NKD1: variants seen among roughly 807,000 people sequenced by gnomAD.
NKD1 encodes protein naked cuticle homolog 1.
A neutral mutation model predicts 56.0 loss-of-function variants in NKD1; 21 were observed. The observed-to-expected ratio is 0.38, with a 90% CI of 0.27 to 0.54. The LOEUF (loss-of-function observed/expected upper bound fraction) is 0.54. NKD1 is among the 20% of genes least tolerant of loss of function. NKD1 has a pLI of 0.82. For missense variants in NKD1, 578 were observed against 642.7 expected, an observed-to-expected ratio of 0.90 and a Z score of 1.09; for synonymous variants, 263 against 265.7, an observed-to-expected ratio of 0.99 and a Z score of 0.10.
intron 3 of NKD1, among the ~76,000 whole-genome samples, chr16:50,559,036 G>T (rs1280782833): frequency 6.6e-6 from 1 of 152,240 alleles, no homozygotes; most frequent in Non-Finnish European, 1.5e-5. Flanking sequence ...CAGACTTCCT[G>T]GGTCTGAGTC....
intron 2 of NKD1, 110 bp from the exon 3 acceptor site, chr16:50,549,312 C>T (rs1960319846): frequency 7.9e-6 from 11 of 1,396,408 alleles, no homozygotes; most frequent in Non-Finnish European, 1.1e-5. Flanking sequence ...CCCCTCCTGG[C>T]CCCCGTGCCG....
intron 3 of NKD1, among the ~76,000 whole-genome samples, chr16:50,596,704 C>T (rs559354111): frequency 3.9e-5 from 6 of 152,330 alleles, no homozygotes; most frequent in African/African-American, 7.2e-5. Flanking sequence ...CGCCGTCAGG[C>T]GTTGATACAT....
chr16:50,549,357 C>T, intron 2 of NKD1, 65 bp from the exon 3 acceptor site: 3 of 1,573,752 alleles, frequency 1.9e-6, no homozygotes, highest in South Asian at 2.3e-5. Context: ...TCCTTCTTCC[C>T]TCCGCGGGGG....
chr16:50,592,647 G>A (rs912411946), intron 3 of NKD1, among the ~76,000 whole-genome samples: 1 of 152,232 alleles, frequency 6.6e-6, no homozygotes, highest in Admixed American at 6.5e-5. Context: ...AAGGCTGCAA[G>A]GAGGATGCAG....
At chr16:50,565,103 T>A (rs574883873) in intron 3 of NKD1, among the ~76,000 whole-genome samples, 1 of 152,126 alleles carries the variant, frequency 6.6e-6, no homozygotes, top group Non-Finnish European at 1.5e-5. Flanking sequence ...AGGCTGGGTG[T>A]GGTGGCTCAT....
At position 50,632,188 on chromosome 16, in the gene NKD1, C is replaced by T; in HGVS notation, c.696-93C>T. On this transcript the variant is annotated intron_variant, in intron 8 of 9. Transcript: ENST00000268459. The surrounding 1 kb of genome is among the most constrained non-coding windows in gnomAD (Gnocchi z 4.1). ...GCCAAGAAGGAAATGAATGAAGGGT[C>T]CAGAGTTCATTCTGGGGGCTTCCTA... is the stretch of plus-strand genomic sequence containing the variant. 2 of 1,239,254 alleles carry T rather than the reference C, an allele frequency of 1.6e-6. No homozygotes were observed. Among genetic ancestry groups the T allele is most frequent in the Admixed American group, 1.9e-5 (1 of 53,948 alleles). The allele number at this position is 1,239,254 out of a possible 1,614,324, so 76.8% of individuals were successfully genotyped here.
chr16:50,548,831 C>T, intron 2 of NKD1, 82 bp downstream of exon 2: 5 of 1,309,024 alleles, frequency 3.8e-6, no homozygotes, highest in Non-Finnish European at 4.9e-6. Context: ...CCCGCCAGGT[C>T]TTATGACCAG....
chr16:50,591,321 G>A (rs1460609553), intron 3 of NKD1, among the ~76,000 whole-genome samples: 2 of 152,236 alleles, frequency 1.3e-5, no homozygotes, highest in Non-Finnish European at 2.9e-5. Context: ...CGCTGGGAGG[G>A]TTGGGTGCTG....
intron 4 of NKD1, among the ~76,000 whole-genome samples, chr16:50,618,634 G>A (rs1461953682): frequency 6.6e-6 from 1 of 152,210 alleles, no homozygotes; most frequent in African/African-American, 2.4e-5. Flanking sequence ...GAGGGTGAAC[G>A]ACCTTCTTTG....
At chr16:50,615,639 C>T (rs755125567) in intron 4 of NKD1, among the ~76,000 whole-genome samples, 42 of 152,094 alleles carry the variant, frequency 2.8e-4, no homozygotes, top group South Asian at 4.2e-4. Flanking sequence ...GCAGCCGGGT[C>T]GTGGAAGCCT....
At chr16:50,611,228 A>G (rs938961227) in intron 4 of NKD1, among the ~76,000 whole-genome samples, 1 of 149,658 alleles carries the variant, frequency 6.7e-6, no homozygotes, top group Admixed American at 6.6e-5. Context: ...CCTGCCTCTC[A>G]CCTGGTGAAC....
intron 3 of NKD1, among the ~76,000 whole-genome samples, chr16:50,577,214 G>T (rs1961011433): frequency 6.6e-6 from 1 of 152,106 alleles, no homozygotes; most frequent in South Asian, 2.1e-4. Context: ...GATGGAGATA[G>T]TAGGAATACC....
chr16:50,614,216 GAC>G (rs1296253321), intron 4 of NKD1, among the ~76,000 whole-genome samples: 1 of 152,166 alleles, frequency 6.6e-6, no homozygotes, highest in African/African-American at 2.4e-5. Flanking sequence ...ATCTCAGAGA[GAC>G]GGATTTGTTA....
At chr16:50,565,452 G>T (rs971968673) in intron 3 of NKD1, among the ~76,000 whole-genome samples, 3 of 152,196 alleles carry the variant, frequency 2.0e-5, no homozygotes, top group Admixed American at 2.0e-4. Context: ...GCCAGAGTGG[G>T]AGGATTGCTT....
At chr16:50,630,380 A>T (rs1462505660) in intron 7 of NKD1, 47 bp downstream of exon 7, 2 of 1,599,364 alleles carry the variant, frequency 1.3e-6, no homozygotes, top group Non-Finnish European at 8.6e-7. Context: ...CTCCCATCTC[A>T]GGAAGGAACA....
chr16:50,619,110 A>C (rs1037498438), intron 4 of NKD1, among the ~76,000 whole-genome samples: 1 of 152,222 alleles, frequency 6.6e-6, no homozygotes, highest in Non-Finnish European at 1.5e-5. Context: ...AAGCCTGGCC[A>C]GCTTGCATCT....
At chr16:50,557,313 C>T (rs1960524630) in intron 3 of NKD1, 1 of 152,176 alleles carries the variant, frequency 6.6e-6, no homozygotes, top group African/African-American at 2.4e-5. Flanking sequence ...CTTTATCTAT[C>T]CCACGTGCTG....
rs1392551938 is a variant in NKD1, at chr16:50,623,889, T to G, written c.367-1596T>G. ...GTGTAGGGGTATGTATGTAGGCACG[T>G]GTGTCATGCCACATGAACAGTGCCT... On this transcript the variant is annotated intron_variant, in intron 5 of 9. Coordinates refer to ENST00000268459, the MANE Select transcript of NKD1 (RefSeq NM_033119.5). The surrounding 1 kb of genome is among the most constrained non-coding windows in gnomAD (Gnocchi z 4.1). 2.0e-5 allele frequency among the ~76,000 whole-genome samples: 3 copies of G among 151,978 alleles called. No homozygotes were observed. The highest frequency in any genetic ancestry group is 7.3e-5 in the African/African-American group (3 of 41,340).
chr16:50,611,238 C>T (rs536487406), intron 4 of NKD1, among the ~76,000 whole-genome samples: 8 of 152,296 alleles, frequency 5.3e-5, no homozygotes, highest in African/African-American at 1.2e-4. Context: ...ACCTGGTGAA[C>T]GCTGCCCCCG....
Sources: gnomAD v4.1 joint callset for allele counts (sites outside exome capture counted in the v4.1 genomes callset) on GRCh38, gnomAD v4.1.1 for gene constraint, Gnocchi (gnomAD v3.1) non-coding constraint, MANE v1.5 for transcripts, NCBI Gene and HGNC (gene_info 2026-07-23, HGNC 2026-07-21) for gene names.